The following MEI4 variants were observed in gnomAD, a reference collection of about 807,000 sequenced individuals.
MEI4 encodes meiotic double-stranded break formation protein 4, also known as meiosis-specific protein MEI4.
A neutral mutation model predicts 31.4 loss-of-function variants in MEI4; 27 were observed. That is an observed-to-expected ratio of 0.86 (90% confidence interval 0.63 to 1.19). MEI4 has a LOEUF of 1.19. Among genes scored for constraint, MEI4 ranks in the 50% most tolerant of loss-of-function variants. The pLI, the probability that MEI4 is intolerant of heterozygous loss-of-function variation, is 0.00. For synonymous variants in MEI4, 122 were observed against 145.4 expected (o/e 0.84, Z 1.16); for missense variants, 329 against 398.9 (o/e 0.82, Z 1.49).
At chr6:77,904,482 C>T (rs1268865656) in intron 4 of MEI4, among the ~76,000 whole-genome samples, 1 of 151,924 alleles carries the variant, frequency 6.6e-6, no homozygotes, top group Non-Finnish European at 1.5e-5. Context: ...CTCAAGTAGG[C>T]CCCAGTATCT....
chr6:77,888,434 A>C (rs574529242), intron 4 of MEI4, among the ~76,000 whole-genome samples: 1 of 149,258 alleles, frequency 6.7e-6, no homozygotes, highest in Non-Finnish European at 1.5e-5. Flanking sequence ...CATTTGCTCT[A>C]CCCTGAGTTT....
At chr6:77,831,890 T>A (rs1322576269) in intron 4 of MEI4, among the ~76,000 whole-genome samples, 1 of 152,058 alleles carries the variant, frequency 6.6e-6, no homozygotes, top group African/African-American at 2.4e-5. Flanking sequence ...TAACATTTTT[T>A]ATATTTCAAA....
intron 3 of MEI4, among the ~76,000 whole-genome samples, chr6:77,797,955 G>A (rs1431864660): frequency 6.6e-6 from 1 of 152,012 alleles, no homozygotes; most frequent in African/African-American, 2.4e-5. Flanking sequence ...ACTTAGTAAA[G>A]TAAGAGTCTC....
intron 2 of MEI4, among the ~76,000 whole-genome samples, chr6:77,716,627 G>A (rs898912403): frequency 3.3e-5 from 5 of 152,098 alleles, no homozygotes; most frequent in African/African-American, 4.8e-5. Flanking sequence ...AGTATCAGTC[G>A]GGATGGTGAA....
Position 77,713,868 on chromosome 6 carries a change from C to T in MEI4, c.232+22965C>T, listed in dbSNP as rs966643520. ...TCTACTTGCCTATTTCAGGAGCCCCCGTAATAGGTTGTCTGCCATGCTTAT... is the reference window on the plus strand; with the variant it reads ...TCTACTTGCCTATTTCAGGAGCCCCTGTAATAGGTTGTCTGCCATGCTTAT... On this transcript the variant is annotated intron_variant, in intron 2 of 4. Coordinates refer to ENST00000684080, the MANE Select transcript of MEI4 (RefSeq NM_001322247.2). 1.5e-4 allele frequency among the ~76,000 whole-genome samples: 23 copies of T among 152,192 alleles called. No homozygotes were observed. In the East Asian group the frequency reaches 2.1e-3, roughly 14 times the overall value.
chr6:77,740,275 A>G (rs981637942), intron 2 of MEI4, among the ~76,000 whole-genome samples: 4 of 152,186 alleles, frequency 2.6e-5, no homozygotes, highest in African/African-American at 9.7e-5. Context: ...GATGAGAAGA[A>G]TGTACATTCT....
intron 4 of MEI4, among the ~76,000 whole-genome samples, chr6:77,900,851 G>A (rs763814022): frequency 7.2e-5 from 11 of 151,812 alleles, no homozygotes; most frequent in East Asian, 1.9e-4. Context: ...TTTTGTGTCC[G>A]TTGACATCTC....
intron 2 of MEI4, among the ~76,000 whole-genome samples, chr6:77,756,335 C>T (rs1221581096): frequency 6.6e-6 from 1 of 152,048 alleles, no homozygotes; most frequent in Non-Finnish European, 1.5e-5. Flanking sequence ...TCTAAGGACA[C>T]ATACTATAGT....
intron 2 of MEI4, among the ~76,000 whole-genome samples, chr6:77,738,098 C>T (rs1767301470): frequency 6.6e-6 from 1 of 152,100 alleles, no homozygotes; most frequent in Non-Finnish European, 1.5e-5. Flanking sequence ...GTATCAAAAG[C>T]ACAGCAAGGA....
At chr6:77,681,836 T>C (rs1298388844) in intron 1 of MEI4, among the ~76,000 whole-genome samples, 1 of 152,198 alleles carries the variant, frequency 6.6e-6, no homozygotes, top group Non-Finnish European at 1.5e-5. Context: ...TTTGCAAGCC[T>C]TCTGTCACGC....
At chr6:77,866,655 A>G (rs561429852) in intron 4 of MEI4, among the ~76,000 whole-genome samples, 6 of 152,176 alleles carry the variant, frequency 3.9e-5, no homozygotes, top group South Asian at 2.1e-4. Flanking sequence ...TACTGCCCAA[A>G]GTAATTTATA....
intron 4 of MEI4, among the ~76,000 whole-genome samples, chr6:77,851,387 A>G (rs1770617088): frequency 6.6e-6 from 1 of 152,112 alleles, no homozygotes; most frequent in South Asian, 2.1e-4. Flanking sequence ...AACCACCCCA[A>G]ATGTCCATCA....
chr6:77,765,102 A>C lies in MEI4; in HGVS notation c.768+3437A>C, dbSNP rs1768136976. On this transcript the variant is annotated intron_variant, in intron 3 of 4. Coordinates refer to ENST00000684080, the MANE Select transcript of MEI4 (RefSeq NM_001322247.2). The stretch of plus-strand genomic sequence containing the variant: ...TTTTACTCAATAGCTATGACCTTAG[A>C]CAAGTTAACTAACCTCCAAGTTCTA... Among the ~76,000 whole-genome samples the C allele has an allele frequency of 2.6e-5, 4 of 152,338 alleles. No homozygotes were observed. The South Asian group carries it at 8.3e-4, about 32-fold the overall frequency.
chr6:77,811,744 C>T (rs80321094), intron 3 of MEI4, among the ~76,000 whole-genome samples: 20,812 of 149,236 alleles, frequency 0.14, 1,527 homozygotes, highest in Middle Eastern at 0.21. Context: ...CACTGTACTC[C>T]AGACTGGCGA....
At chr6:77,695,295 T>G (rs1175667165) in intron 2 of MEI4, among the ~76,000 whole-genome samples, 1 of 152,116 alleles carries the variant, frequency 6.6e-6, no homozygotes, top group Non-Finnish European at 1.5e-5. Context: ...ATTTTGGCTT[T>G]TGTTGCCATT....
chr6:77,671,568 T>G (rs1419870486), intron 1 of MEI4, among the ~76,000 whole-genome samples: 1 of 152,226 alleles, frequency 6.6e-6, no homozygotes, highest in South Asian at 2.1e-4. Context: ...GATGGATAAA[T>G]GCATAAAAAT....
intron 4 of MEI4, among the ~76,000 whole-genome samples, chr6:77,854,686 A>G (rs1488056993): frequency 6.6e-6 from 1 of 152,106 alleles, no homozygotes; most frequent in Non-Finnish European, 1.5e-5. Context: ...AGAGCACAGA[A>G]AAGGTAGTAA....
chr6:77,796,103 C>T (rs1242936880), intron 3 of MEI4, among the ~76,000 whole-genome samples: 1 of 152,060 alleles, frequency 6.6e-6, no homozygotes, highest in African/African-American at 2.4e-5. Context: ...TTCATTATAA[C>T]CACATTAACA....
intron 2 of MEI4, among the ~76,000 whole-genome samples, chr6:77,735,596 G>A (rs141664150): frequency 0.14 from 21,004 of 151,928 alleles, 1,580 homozygotes; most frequent in Middle Eastern, 0.21. Flanking sequence ...CCCGTAGCTC[G>A]GAGTAATTTG....
Sources: allele counts gnomAD v4.1 joint callset (sites outside exome capture counted in the v4.1 genomes callset), GRCh38; gene constraint gnomAD v4.1.1; transcripts MANE v1.5; gene names NCBI Gene and HGNC (gene_info 2026-07-23, HGNC 2026-07-21).